The following GPR137C variants were observed in gnomAD, a reference collection of about 807,000 sequenced individuals.
GPR137C encodes G protein-coupled receptor 137C, also known as integral membrane protein GPR137C.
Under a neutral mutation model 43.4 loss-of-function variants are expected in GPR137C, and 27 were observed. The ratio of observed to expected loss-of-function variants is 0.62; its 90% CI spans 0.46 to 0.86. The LOEUF (loss-of-function observed/expected upper bound fraction) is 0.86, where lower values mean the gene tolerates loss of function less well. GPR137C is among the 40% of genes least tolerant of loss of function. The pLI is 0.00. For synonymous variants in GPR137C, 285 were observed against 226.9 expected, an observed-to-expected ratio of 1.26 and a Z score of -2.30; for missense variants, 522 against 534.6, an observed-to-expected ratio of 0.98 and a Z score of 0.23.
chr14:52,623,826 G>C (rs530045930), intron 3 of GPR137C, among the ~76,000 whole-genome samples: 1 of 152,130 alleles, frequency 6.6e-6, no homozygotes, highest in South Asian at 2.1e-4. Flanking sequence ...GAAAATTATA[G>C]TGCTAAAATA....
intron 6 of GPR137C, 94 bp from the exon 7 acceptor site, chr14:52,634,844 A>G: frequency 9.4e-7 from 1 of 1,064,252 alleles, no homozygotes; most frequent in Non-Finnish European, 1.4e-6. Context: ...TGCTAACTTT[A>G]TTACAAAATT....
intron 3 of GPR137C, chr14:52,612,850 G>A (rs2039053130): frequency 6.6e-6 from 1 of 151,712 alleles, no homozygotes. Context: ...ACAAGCATGA[G>A]CCATGGTACT....
At chr14:52,572,549 C>G (rs548592092) in intron 1 of GPR137C, among the ~76,000 whole-genome samples, 60 of 152,280 alleles carry the variant, frequency 3.9e-4, no homozygotes, top group African/African-American at 1.4e-3. Flanking sequence ...ATTCAACACC[C>G]CTTCAAGCTA....
chr14:52,631,724 T>C (rs918412067), intron 3 of GPR137C, among the ~76,000 whole-genome samples: 5 of 152,164 alleles, frequency 3.3e-5, no homozygotes, highest in African/African-American at 1.2e-4. Flanking sequence ...TCTAAAAGAA[T>C]GAAAGCAAAT....
In GPR137C at chr14:52,635,310, T is replaced by C. The variant is rs2039341181; in HGVS notation, c.*195T>C. 2.2e-6 allele frequency: 1 copy of C among 447,134 alleles called. No homozygotes were observed. Among genetic ancestry groups the C allele is most frequent in the Admixed American group, 4.5e-5 (1 of 22,316 alleles). The allele number at this position is 447,134 out of a possible 1,614,324, so 27.7% of individuals were successfully genotyped here. On this transcript the variant is annotated 3_prime_UTR_variant, in exon 7 of 7. Transcript: ENST00000321662. ...GTAAAATGAAGTAAAATGGAAAGTT[T>C]GGAGTAGGAGAAAAGAGAGATTAGA...
At position 52,570,778 on chromosome 14, in the gene GPR137C, A is replaced by G. The variant is rs559180583; in HGVS notation, c.444+17187A>G. ...TACATAACGCTAAAGGGATCAATTAAACAAGAAGAGCTAACCTAAATATAT... is the reference window on the plus strand; with the variant it reads ...TACATAACGCTAAAGGGATCAATTAGACAAGAAGAGCTAACCTAAATATAT... On this transcript the variant is annotated intron_variant, in intron 1 of 6. Coordinates refer to ENST00000321662, the MANE Select transcript of GPR137C (RefSeq NM_001099652.2). 3.3e-5 allele frequency among the ~76,000 whole-genome samples: 5 copies of G among 152,362 alleles called. No homozygotes were observed. In the East Asian group the frequency reaches 9.6e-4, roughly 29 times the overall value.
intron 1 of GPR137C, among the ~76,000 whole-genome samples, chr14:52,576,775 G>T (rs1318319078): frequency 6.6e-6 from 1 of 152,128 alleles, no homozygotes; most frequent in Non-Finnish European, 1.5e-5. Context: ...CTCAAAAATT[G>T]ACCATATGCT....
intron 3 of GPR137C, among the ~76,000 whole-genome samples, chr14:52,602,696 C>G (rs12881915): frequency 6.6e-6 from 1 of 152,058 alleles, no homozygotes; most frequent in Admixed American, 6.6e-5. Flanking sequence ...CCTTCTCCCC[C>G]AACTCTAAAA....
intron 1 of GPR137C, among the ~76,000 whole-genome samples, chr14:52,594,217 A>G (rs569293688): frequency 2.6e-5 from 4 of 152,118 alleles, no homozygotes; most frequent in Admixed American, 6.6e-5. Context: ...GTTCTTTTAC[A>G]TTTGTTCAGG....
intron 1 of GPR137C, among the ~76,000 whole-genome samples, chr14:52,557,114 A>G (rs571878051): frequency 1.1e-4 from 16 of 152,300 alleles, no homozygotes; most frequent in African/African-American, 3.8e-4. Flanking sequence ...ATTTCCCACA[A>G]AAGTTGAAAT....
chr14:52,605,881 C>T (rs1344641625), intron 3 of GPR137C, among the ~76,000 whole-genome samples: 1 of 152,142 alleles, frequency 6.6e-6, no homozygotes, highest in African/African-American at 2.4e-5. Flanking sequence ...CCTTGCATCC[C>T]TGGGATGAAT....
intron 3 of GPR137C, among the ~76,000 whole-genome samples, chr14:52,620,371 T>A (rs1189953173): frequency 6.6e-6 from 1 of 151,886 alleles, no homozygotes; most frequent in Non-Finnish European, 1.5e-5. Flanking sequence ...ATAAAGAAAT[T>A]TAACTGAGAT....
chr14:52,554,945 C>T (rs2038170076), intron 1 of GPR137C, among the ~76,000 whole-genome samples: 1 of 151,744 alleles, frequency 6.6e-6, no homozygotes, highest in Non-Finnish European at 1.5e-5. Flanking sequence ...AACCAGTAAG[C>T]GGAAATAAGA....
intron 3 of GPR137C, chr14:52,611,975 A>C: frequency 1.0e-6 from 1 of 985,386 alleles, no homozygotes; most frequent in Non-Finnish European, 1.2e-6. Flanking sequence ...AAACTTGGAA[A>C]AATCCTTTCA....
chr14:52,601,847 C>T (rs956870856), intron 3 of GPR137C, among the ~76,000 whole-genome samples: 13 of 151,664 alleles, frequency 8.6e-5, no homozygotes, highest in Admixed American at 7.9e-4. Context: ...GTTTTTTACT[C>T]GCTTTGAAAT....
intron 1 of GPR137C, among the ~76,000 whole-genome samples, chr14:52,554,052 C>G (rs555166305): frequency 6.6e-6 from 1 of 152,192 alleles, no homozygotes; most frequent in African/African-American, 2.4e-5. Context: ...AGCTGTTCCT[C>G]TGCTATTGTT....
chr14:52,606,081 C>T (rs924277243), intron 3 of GPR137C, among the ~76,000 whole-genome samples: 4 of 152,136 alleles, frequency 2.6e-5, no homozygotes, highest in East Asian at 1.9e-4. Flanking sequence ...GAAATGTTCC[C>T]GCTCCTTCAA....
At chr14:52,574,126 G>A (rs567108066) in intron 1 of GPR137C, among the ~76,000 whole-genome samples, 114 of 151,358 alleles carry the variant, frequency 7.5e-4, no homozygotes, top group Non-Finnish European at 1.3e-3. Flanking sequence ...TGGTGGGAGT[G>A]TAAATTAGTT....
At chr14:52,604,183 G>A (rs2038958207) in intron 3 of GPR137C, among the ~76,000 whole-genome samples, 1 of 152,064 alleles carries the variant, frequency 6.6e-6, no homozygotes, top group Admixed American at 6.5e-5. Flanking sequence ...TGGATAACTT[G>A]TAAATATTTA....
Sources: gnomAD v4.1 joint callset for allele counts (sites outside exome capture counted in the v4.1 genomes callset) on GRCh38, gnomAD v4.1.1 for gene constraint, MANE v1.5 for transcripts, NCBI Gene and HGNC (gene_info 2026-07-23, HGNC 2026-07-21) for gene names.